The following NXN variants were observed in gnomAD, a reference collection of about 807,000 sequenced individuals.
NXN encodes nucleoredoxin, also known as nucleoredoxin 1.
Under a neutral mutation model 48.6 loss-of-function variants are expected in NXN, and 16 were observed. The observed-to-expected ratio is 0.33, with a 90% CI of 0.22 to 0.50. The LOEUF (loss-of-function observed/expected upper bound fraction) is 0.50, where lower values mean the gene tolerates loss of function less well. NXN is among the 20% of genes least tolerant of loss of function. The pLI, the probability that NXN is intolerant of heterozygous loss-of-function variation, is 0.98. For synonymous variants in NXN, 281 were observed against 269.6 expected (o/e 1.04, Z -0.41); for missense variants, 492 against 605.5 (o/e 0.81, Z 1.97).
At chr17:945,336 C>A (rs1191629766) in intron 1 of NXN, among the ~76,000 whole-genome samples, 1 of 152,030 alleles carries the variant, frequency 6.6e-6, no homozygotes, top group Non-Finnish European at 1.5e-5. Context: ...CTCGCCTCGG[C>A]GTCCTAAAGC....
intron 1 of NXN, among the ~76,000 whole-genome samples, chr17:895,550 C>G (rs560169394): frequency 1.3e-5 from 2 of 151,568 alleles, no homozygotes; most frequent in African/African-American, 2.4e-5. Context: ...CAGTGGCTCA[C>G]GCCTCTAATC....
chr17:875,507 C>T (rs890630534), intron 1 of NXN, among the ~76,000 whole-genome samples: 12 of 152,170 alleles, frequency 7.9e-5, no homozygotes, highest in Admixed American at 7.2e-4. Context: ...TCTCAAAAGT[C>T]TTAATTTGCC....
rs554255521 is a variant in NXN at position 818,775 on chromosome 17, C to T, written c.820+664G>A. On this transcript the variant is annotated intron_variant, in intron 5 of 7. Coordinates refer to ENST00000336868, the MANE Select transcript of NXN (RefSeq NM_022463.5). ...TGGTGGGCGCCTGTAGTCCCAGCTACTGGGGAGGCTGAGGCAGGAGAATGG... is the reference window on the plus strand; with the variant it reads ...TGGTGGGCGCCTGTAGTCCCAGCTATTGGGGAGGCTGAGGCAGGAGAATGG... 1.9e-4 allele frequency among the ~76,000 whole-genome samples: 29 copies of T among 151,858 alleles called. 1 individual carries two copies. In the Middle Eastern group the frequency reaches 0.037, roughly 196 times the overall value.
intron 1 of NXN, among the ~76,000 whole-genome samples, chr17:918,610 C>T (rs922610042): frequency 2.0e-5 from 3 of 151,760 alleles, no homozygotes; most frequent in African/African-American, 4.9e-5. Flanking sequence ...CTGGCCAACA[C>T]GATGAAAACC....
At chr17:911,009 T>G (rs1157779949) in intron 1 of NXN, 3 of 151,912 alleles carry the variant, frequency 2.0e-5, no homozygotes, top group Non-Finnish European at 4.4e-5. Context: ...TTTTAAAGTA[T>G]TTTTTTTGCT....
intron 1 of NXN, among the ~76,000 whole-genome samples, chr17:836,974 A>G (rs2144690951): frequency 6.7e-6 from 1 of 149,478 alleles, no homozygotes; most frequent in Admixed American, 6.7e-5. Flanking sequence ...TATTATTATT[A>G]TTATTATTAT....
intron 1 of NXN, among the ~76,000 whole-genome samples, chr17:936,261 G>A (rs913249339): frequency 9.2e-5 from 14 of 152,086 alleles, no homozygotes; most frequent in African/African-American, 3.1e-4. Context: ...GCAACCTCCT[G>A]TTGTTAGACC....
At position 830,764 on chromosome 17, in the gene NXN, G is replaced by T. The variant is rs547646882; in HGVS notation, c.361-4686C>A. Among the ~76,000 whole-genome samples, 45 of 152,312 alleles carry T rather than the reference G, an allele frequency of 3.0e-4. No individual in the cohort carries two copies. Among genetic ancestry groups the T allele is most frequent in the Non-Finnish European group, 6.2e-4 (42 of 68,022 alleles). On this transcript the variant is annotated intron_variant, in intron 1 of 7. Transcript: ENST00000336868. The surrounding 1 kb of genome is among the most constrained non-coding windows in gnomAD (Gnocchi z 4.2). Reference sequence around the variant, plus strand: ...GCCTGTAATCCCAGCAGTTTGGGAGGCCAAGGTGGGCAGATCATCTGAGGT... The same window carrying T: ...GCCTGTAATCCCAGCAGTTTGGGAGTCCAAGGTGGGCAGATCATCTGAGGT...
At chr17:889,838 A>G (rs1269864010) in intron 1 of NXN, among the ~76,000 whole-genome samples, 1 of 152,176 alleles carries the variant, frequency 6.6e-6, no homozygotes, top group African/African-American at 2.4e-5. Context: ...AAAATGAGGA[A>G]TGACACTCGG....
chr17:854,311 G>C (rs889899116), intron 1 of NXN, among the ~76,000 whole-genome samples: 2 of 152,154 alleles, frequency 1.3e-5, no homozygotes, highest in Admixed American at 6.6e-5. Flanking sequence ...CAGTTAGACA[G>C]ATATAGAACG....
chr17:957,723 T>G (rs150814529), intron 1 of NXN, among the ~76,000 whole-genome samples: 1 of 151,786 alleles, frequency 6.6e-6, no homozygotes, highest in Admixed American at 6.6e-5. Context: ...CTGTCTCCTA[T>G]CCCGTCAAGG....
At chr17:908,167 A>C (rs78268366) in intron 1 of NXN, 82,028 of 151,388 alleles carry the variant, frequency 0.54, 22,565 homozygotes, top group Admixed American at 0.66. Context: ...AGTAGGGGTG[A>C]GCTATAAAGG....
intron 7 of NXN, among the ~76,000 whole-genome samples, chr17:802,061 C>T (rs1911242137): frequency 1.3e-5 from 2 of 152,196 alleles, no homozygotes; most frequent in African/African-American, 4.8e-5. Flanking sequence ...CAGACATAGC[C>T]TCATGCAGAC....
At chr17:907,563 C>A (rs2068592550) in intron 1 of NXN, 1 of 152,194 alleles carries the variant, frequency 6.6e-6, no homozygotes, top group African/African-American at 2.4e-5. Flanking sequence ...TGGTCTTGAA[C>A]TCCTGACCTC....
At position 805,054 on chromosome 17, in the gene NXN, C is replaced by G. The variant is rs538837668; in HGVS notation, c.1000+14G>C. 3 of 1,560,760 alleles carry G rather than the reference C, an allele frequency of 1.9e-6. No homozygotes were observed. The highest frequency in any genetic ancestry group is 1.9e-5 in the Admixed American group (1 of 52,788). On this transcript the variant is annotated intron_variant, in intron 6 of 7. Coordinates refer to ENST00000336868, the MANE Select transcript of NXN (RefSeq NM_022463.5). ...CCAGCCACCCCTCGCCCCCTGCCCC[C>G]GTGAGCTTCATACCTACAAAAAGGA... is the stretch of plus-strand genomic sequence containing the variant.
intron 1 of NXN, among the ~76,000 whole-genome samples, chr17:855,772 G>C (rs1022301642): frequency 3.3e-5 from 5 of 152,206 alleles, no homozygotes; most frequent in Admixed American, 6.5e-5. Flanking sequence ...TACCTTGGCA[G>C]GAGGAATGTG....
At chr17:945,580 G>A (rs543471477) in intron 1 of NXN, among the ~76,000 whole-genome samples, 6 of 147,186 alleles carry the variant, frequency 4.1e-5, no homozygotes, top group African/African-American at 1.3e-4. Flanking sequence ...GCCGTGAGCC[G>A]AGATCGTGCC....
chr17:866,270 T>C (rs2144794197), intron 1 of NXN, among the ~76,000 whole-genome samples: 1 of 151,938 alleles, frequency 6.6e-6, no homozygotes, highest in Middle Eastern at 3.4e-3. Flanking sequence ...GCACAGAAGA[T>C]ATTTCAGAAG....
At position 964,952 on chromosome 17, in the gene NXN, C is replaced by T. The variant is rs937890346; in HGVS notation, c.360+14367G>A. On this transcript the variant is annotated intron_variant, in intron 1 of 7. Transcript: ENST00000336868. The stretch of plus-strand genomic sequence containing the variant: ...AAGACTCCCTCAGGCTCCATTAATG[C>T]CCTAATGAGAGGAGGCGGGGAGAGG... Among the ~76,000 whole-genome samples the T allele has an allele frequency of 2.6e-5, 4 of 152,162 alleles. No homozygotes were observed. In the South Asian group the frequency reaches 6.2e-4, roughly 24 times the overall value.
Sources: gnomAD v4.1 joint callset for allele counts (sites outside exome capture counted in the v4.1 genomes callset) on GRCh38, gnomAD v4.1.1 for gene constraint, Gnocchi (gnomAD v3.1) non-coding constraint, MANE v1.5 for transcripts, NCBI Gene and HGNC (gene_info 2026-07-23, HGNC 2026-07-21) for gene names.